Variants in DNM2 observed in about 807,000 individuals in gnomAD.
DNM2 encodes dynamin-2.
DNM2 carries 15 observed loss-of-function variants against 99.0 expected under a neutral mutation model. The ratio of observed to expected loss-of-function variants is 0.15; its 90% confidence interval spans 0.10 to 0.23. DNM2 has a LOEUF of 0.23. Ranked by LOEUF, DNM2 falls within the 10% of genes least tolerant of loss-of-function variation. The pLI is 1.00. For synonymous variants in DNM2, 525 were observed against 481.2 expected, an observed-to-expected ratio of 1.09 and a Z score of -1.19; for missense variants, 742 against 1,189.4, an observed-to-expected ratio of 0.62 and a Z score of 5.53.
At chr19:10,756,891 C>G (rs1278215648) in intron 1 of DNM2, among the ~76,000 whole-genome samples, 1 of 152,158 alleles carries the variant, frequency 6.6e-6, no homozygotes, top group South Asian at 2.1e-4. Context: ...TGATGTCACT[C>G]ACATGAACCA....
intron 1 of DNM2, among the ~76,000 whole-genome samples, chr19:10,750,404 G>T (rs562663411): frequency 1.3e-5 from 2 of 151,982 alleles, no homozygotes; most frequent in African/African-American, 2.4e-5. Flanking sequence ...ACTAGGGTCC[G>T]GGAGTTCAAG....
intron 1 of DNM2, among the ~76,000 whole-genome samples, chr19:10,752,247 T>G (rs80223466): frequency 0.039 from 6,000 of 152,272 alleles, 152 homozygotes; most frequent in Non-Finnish European, 0.058. Flanking sequence ...TATGTGTGTG[T>G]GGGGTACTAT....
In DNM2 at chr19:10,817,126, G is replaced by T. The variant is rs1340703677; in HGVS notation, c.1672-2854G>T. ...CACACGTGGCAGCCACCCCTGAGGA[G>T]GAGGCCACCCTCTTAGATGCCTCAG... On this transcript the variant is annotated intron_variant, in intron 15 of 20. Transcript: ENST00000389253. The surrounding 1 kb of genome is among the most constrained non-coding windows in gnomAD (Gnocchi z 4.6). 6.6e-6 allele frequency among the ~76,000 whole-genome samples: 1 copy of T among 152,214 alleles called. No homozygotes were observed. The highest frequency in any genetic ancestry group is 2.4e-5 in the African/African-American group (1 of 41,446).
intron 1 of DNM2, among the ~76,000 whole-genome samples, chr19:10,757,943 C>CAAAAAAAAAAAAA (rs762600168): frequency 3.1e-5 from 2 of 65,420 alleles, no homozygotes; most frequent in African/African-American, 4.8e-5. Context: ...AGCTCTGTCT[C>CAAAAAAAAAAAAA]AAAAAAAAAA....
intron 1 of DNM2, among the ~76,000 whole-genome samples, chr19:10,754,785 G>T (rs1156256839): frequency 2.6e-5 from 4 of 151,386 alleles, no homozygotes; most frequent in African/African-American, 7.3e-5. Context: ...AGAGACAGGG[G>T]CTCGTTATGT....
intron 1 of DNM2, among the ~76,000 whole-genome samples, chr19:10,732,885 GT>G (rs912377869): frequency 1.0e-4 from 15 of 148,112 alleles, no homozygotes; most frequent in South Asian, 2.1e-4. Context: ...TTTGTTTTCT[GT>G]TTTTTTTTTC....
At chr19:10,786,467 C>T in intron 6 of DNM2, 97 bp from the exon 7 acceptor site, 6 of 1,587,616 alleles carry the variant, frequency 3.8e-6, no homozygotes, top group Non-Finnish European at 5.2e-6. Context: ...CGCATAGTGG[C>T]ACCCTGGTGT....
rs114055705 is a variant in DNM2 at position 10,820,967 on chromosome 19, A to C, written c.1781+878A>C. ...TGGCAGGAGGGCTCTTCCCATGCTC[A>C]CACAATCACGCTCATCCAGGAAGCA... is the stretch of plus-strand genomic sequence containing the variant. On this transcript the variant is annotated intron_variant, in intron 16 of 20. Transcript: ENST00000389253. The surrounding 1 kb of genome is among the most constrained non-coding windows in gnomAD (Gnocchi z 4.3). Among the ~76,000 whole-genome samples, 1 of 152,258 alleles carries C rather than the reference A, an allele frequency of 6.6e-6. No homozygotes were observed. The highest frequency in any genetic ancestry group is 2.4e-5 in the African/African-American group (1 of 41,566).
At chr19:10,814,468 GAA>G (rs78057245) in intron 15 of DNM2, among the ~76,000 whole-genome samples, 2 of 150,482 alleles carry the variant, frequency 1.3e-5, no homozygotes, top group East Asian at 1.9e-4. Context: ...GTGTCTCAAA[GAA>G]AAAAAAACAC....
intron 1 of DNM2, among the ~76,000 whole-genome samples, chr19:10,751,223 TACTG>T (rs2145813008): frequency 6.6e-6 from 1 of 152,138 alleles, no homozygotes; most frequent in South Asian, 2.1e-4. Flanking sequence ...TACCCTGTCT[TACTG>T]ACGGGAAACC....
At chr19:10,730,229 C>T (rs942787447) in intron 1 of DNM2, among the ~76,000 whole-genome samples, 2 of 152,124 alleles carry the variant, frequency 1.3e-5, no homozygotes, top group African/African-American at 4.8e-5. Flanking sequence ...CCTGTAATCC[C>T]AGCACTATGG....
At position 10,776,180 on chromosome 19, in the gene DNM2, C is replaced by T. The variant is rs111624191; in HGVS notation, c.589+274C>T. 0.025 allele frequency among the ~76,000 whole-genome samples: 3,853 copies of T among 152,266 alleles called. 85 individuals are homozygous for T. The highest frequency in any genetic ancestry group is 0.05 in the African/African-American group (2,068 of 41,544). The stretch of plus-strand genomic sequence containing the variant: ...GCCTAGGGCTGAAGGAAGGGCCCAG[C>T]GCTCCATCGCCCAGATGCGATCTTA... On this transcript the variant is annotated intron_variant, in intron 4 of 20. Transcript: ENST00000389253.
intron 9 of DNM2, 23 bp from the exon 10 acceptor site, chr19:10,797,357 A>G (rs749829209): frequency 6.2e-7 from 1 of 1,611,140 alleles, no homozygotes; most frequent in Non-Finnish European, 8.5e-7. Flanking sequence ...TTTCTGCCTC[A>G]TCCTGCCCTC....
chr19:10,752,006 G>T (rs1009973991), intron 1 of DNM2, among the ~76,000 whole-genome samples: 2 of 152,216 alleles, frequency 1.3e-5, no homozygotes, highest in Non-Finnish European at 2.9e-5. Flanking sequence ...ATTGGCCGGG[G>T]TCGGGTCATA....
intron 5 of DNM2, 123 bp from the exon 6 acceptor site, chr19:10,782,832 CATGTT>C: frequency 2.3e-6 from 3 of 1,291,848 alleles, no homozygotes; most frequent in Admixed American, 1.7e-5. Flanking sequence ...TTCTGAGTAA[CATGTT>C]ATGACAGCTG....
chr19:10,762,934 A>G (rs1240011468), intron 2 of DNM2, among the ~76,000 whole-genome samples: 1 of 152,172 alleles, frequency 6.6e-6, no homozygotes, highest in Non-Finnish European at 1.5e-5. Flanking sequence ...AGGTGGATGC[A>G]TAGTTGCATC....
At chr19:10,827,450 G>A (rs1002674424) in intron 18 of DNM2, among the ~76,000 whole-genome samples, 1 of 151,710 alleles carries the variant, frequency 6.6e-6, no homozygotes, top group African/African-American at 2.4e-5. Context: ...AAATCTGTCG[G>A]CCCAGCTACT....
At position 10,796,105 on chromosome 19, in the gene DNM2, A is replaced by G; in HGVS notation, c.1196+666A>G. ...GACTTGGCATTCGAGGCCATTGTGAAAAAGCAGGTCGTCAAGCTGAAAGAG... is the reference window on the plus strand; with the variant it reads ...GACTTGGCATTCGAGGCCATTGTGAGAAAGCAGGTCGTCAAGCTGAAAGAG... On this transcript the variant is annotated intron_variant, in intron 9 of 20. Transcript: ENST00000389253. The surrounding 1 kb of genome is among the most constrained non-coding windows in gnomAD (Gnocchi z 5.6). The G allele has an allele frequency of 6.2e-7, 1 of 1,614,150 alleles. No individual in the cohort carries two copies. Among genetic ancestry groups the G allele is most frequent in the East Asian group, 2.2e-5 (1 of 44,882 alleles).
At chr19:10,763,718 G>T in intron 2 of DNM2, 1 of 153,120 alleles carries the variant, frequency 6.5e-6, no homozygotes. Flanking sequence ...GGTGAGGCTT[G>T]GGAGGGGCCA....
Sources: allele counts gnomAD v4.1 joint callset (sites outside exome capture counted in the v4.1 genomes callset), GRCh38; gene constraint gnomAD v4.1.1; non-coding constraint Gnocchi (gnomAD v3.1); transcripts MANE v1.5; gene names NCBI Gene and HGNC (gene_info 2026-07-23, HGNC 2026-07-21).